The following TMEM150C variants were observed in gnomAD, a reference collection of about 807,000 sequenced individuals.
TMEM150C encodes tentonin 3.
TMEM150C carries 10 observed loss-of-function variants against 29.9 expected under a neutral mutation model. The observed-to-expected ratio is 0.33, with a 90% CI of 0.21 to 0.57. The LOEUF (loss-of-function observed/expected upper bound fraction) is 0.57, where lower values mean the gene tolerates loss of function less well. Among genes scored for constraint, TMEM150C ranks in the 20% least tolerant of loss-of-function variants. The pLI is 0.88. For missense variants in TMEM150C, 251 were observed against 303.6 expected, an observed-to-expected ratio of 0.83 and a Z score of 1.29; for synonymous variants, 101 against 112.5, an observed-to-expected ratio of 0.90 and a Z score of 0.64.
intron 1 of TMEM150C, among the ~76,000 whole-genome samples, chr4:82,552,562 T>C (rs553258687): frequency 6.6e-6 from 1 of 152,286 alleles, no homozygotes; most frequent in African/African-American, 2.4e-5. Context: ...CTGGTGGAAT[T>C]CTGAAGTACA....
chr4:82,493,870 C>G (rs1311268863), intron 6 of TMEM150C, among the ~76,000 whole-genome samples: 2 of 152,144 alleles, frequency 1.3e-5, no homozygotes, highest in East Asian at 1.9e-4. Flanking sequence ...GGTTGCCTAG[C>G]TGGATATAGA....
chr4:82,491,657 G>A (rs535553049), intron 6 of TMEM150C: 25 of 520,416 alleles, frequency 4.8e-5, no homozygotes, highest in Middle Eastern at 5.4e-4. Flanking sequence ...GGAGGAGAGC[G>A]CTAATTTTTT....
At chr4:82,535,918 T>G (rs1360320152) in intron 1 of TMEM150C, among the ~76,000 whole-genome samples, 1 of 152,138 alleles carries the variant, frequency 6.6e-6, no homozygotes, top group African/African-American at 2.4e-5. Context: ...ACACGTTAGA[T>G]GTATGTAGCA....
At chr4:82,496,288 C>T in intron 5 of TMEM150C, 93 bp from the exon 6 acceptor site, 12 of 1,294,046 alleles carry the variant, frequency 9.3e-6, no homozygotes, top group Non-Finnish European at 1.3e-5. Context: ...TTTTATGCTG[C>T]ACTATTTTCT....
At chr4:82,523,525 T>C (rs545140621) in intron 1 of TMEM150C, among the ~76,000 whole-genome samples, 80 of 152,200 alleles carry the variant, frequency 5.3e-4, no homozygotes, top group Non-Finnish European at 9.1e-4. Flanking sequence ...ATCGCCATTT[T>C]GGGTGGACCC....
At chr4:82,500,624 T>C (rs145869794) in intron 5 of TMEM150C, among the ~76,000 whole-genome samples, 34 of 152,302 alleles carry the variant, frequency 2.2e-4, no homozygotes, top group African/African-American at 7.0e-4. Context: ...ACAAATATCA[T>C]CTGGAAGAGG....
intron 1 of TMEM150C, among the ~76,000 whole-genome samples, 182 bp downstream of exon 1, chr4:82,561,724 C>G (rs1306187995): frequency 6.8e-6 from 1 of 147,016 alleles, no homozygotes; most frequent in Non-Finnish European, 1.5e-5. Flanking sequence ...GCCCCGCGCC[C>G]GGGACGCTAT....
chr4:82,525,987 C>T (rs569802700), intron 1 of TMEM150C, among the ~76,000 whole-genome samples: 15 of 152,354 alleles, frequency 9.8e-5, no homozygotes, highest in East Asian at 1.9e-4. Context: ...TCACAGCAGC[C>T]TCCACCTCCT....
In TMEM150C at chr4:82,485,334, T is replaced by C. The variant is rs113725209; in HGVS notation, c.*177A>G. 8.6e-3 allele frequency: 5,213 copies of C among 604,424 alleles called. 42 individuals are homozygous for C. Among genetic ancestry groups the C allele is most frequent in the Middle Eastern group, 0.02 (46 of 2,246 alleles). 37.4% of individuals were successfully genotyped at this position (604,424 alleles called of 1,614,324 possible). A position where few individuals can be genotyped will look rare whatever the true frequency, so the allele number is the denominator to read the frequency against. ...GCGTGTATTTCGACACATAAGGGCT[T>C]GTGCTTTTTCATTAAAGAAATAACT... On this transcript the variant is annotated 3_prime_UTR_variant, in exon 8 of 8. Coordinates refer to ENST00000449862, the MANE Select transcript of TMEM150C (RefSeq NM_001080506.3).
chr4:82,487,861 C>G lies in TMEM150C; in HGVS notation c.542-2142G>C, dbSNP rs1456480549. 2.0e-5 allele frequency among the ~76,000 whole-genome samples: 3 copies of G among 152,164 alleles called. No homozygotes were observed. The East Asian group carries it at 5.8e-4, about 29-fold the overall frequency. On this transcript the variant is annotated intron_variant, in intron 7 of 7. Transcript: ENST00000449862. ...GTCTGCTTCTATTCATATTTTAAAG[C>G]TACTTTCTCTCTCTTTCTTTGAATT... is the stretch of plus-strand genomic sequence containing the variant.
intron 1 of TMEM150C, among the ~76,000 whole-genome samples, chr4:82,559,259 CAG>C (rs974075987): frequency 2.0e-5 from 3 of 151,974 alleles, no homozygotes; most frequent in South Asian, 2.1e-4. Flanking sequence ...ACCCATGTGA[CAG>C]GGGCTGGGCA....
intron 1 of TMEM150C, among the ~76,000 whole-genome samples, chr4:82,559,704 A>ACATCTCATT (rs1725856255): frequency 6.6e-6 from 1 of 152,254 alleles, no homozygotes; most frequent in African/African-American, 2.4e-5. Flanking sequence ...GACCCTTACC[A>ACATCTCATT]GAACCTAATC....
chr4:82,494,161 G>C (rs762233367), intron 6 of TMEM150C, among the ~76,000 whole-genome samples: 7 of 152,200 alleles, frequency 4.6e-5, no homozygotes, highest in Non-Finnish European at 8.8e-5. Context: ...AGAGTGTCAG[G>C]ATCAGTGTTT....
intron 1 of TMEM150C, among the ~76,000 whole-genome samples, chr4:82,542,194 T>C (rs1393426062): frequency 6.6e-6 from 1 of 152,166 alleles, no homozygotes; most frequent in African/African-American, 2.4e-5. Context: ...AGCCAGTCAA[T>C]ATTTAGGAAA....
chr4:82,498,547 C>T (rs1723629726), intron 5 of TMEM150C, among the ~76,000 whole-genome samples: 2 of 152,316 alleles, frequency 1.3e-5, no homozygotes, highest in South Asian at 4.1e-4. Flanking sequence ...GCCTTGGCCT[C>T]CCAAAGTGCT....
intron 1 of TMEM150C, among the ~76,000 whole-genome samples, chr4:82,505,880 TGCCTTAACTGC>T (rs1261181885): frequency 3.9e-5 from 6 of 152,218 alleles, no homozygotes; most frequent in Admixed American, 3.9e-4. Flanking sequence ...TATCACTTTA[TGCCTTAACTGC>T]CAGACAAAAT....
intron 1 of TMEM150C, among the ~76,000 whole-genome samples, chr4:82,541,702 C>G (rs1360202534): frequency 6.6e-6 from 1 of 152,130 alleles, no homozygotes; most frequent in South Asian, 2.1e-4. Flanking sequence ...TGAATTCCCA[C>G]TATGTACTTA....
intron 1 of TMEM150C, among the ~76,000 whole-genome samples, chr4:82,518,952 C>G (rs565813996): frequency 1.3e-5 from 2 of 152,098 alleles, no homozygotes; most frequent in African/African-American, 4.8e-5. Context: ...AGTTATACTC[C>G]CCCCAATATC....
intron 1 of TMEM150C, among the ~76,000 whole-genome samples, chr4:82,543,590 G>GT (rs1725262477): frequency 6.6e-6 from 1 of 152,132 alleles, no homozygotes; most frequent in African/African-American, 2.4e-5. Flanking sequence ...CTACAAAAGG[G>GT]CCTGATCTTG....
Sources: allele counts gnomAD v4.1 joint callset (sites outside exome capture counted in the v4.1 genomes callset), GRCh38; gene constraint gnomAD v4.1.1; transcripts MANE v1.5; gene names NCBI Gene and HGNC (gene_info 2026-07-23, HGNC 2026-07-21).